The following EXOC6B variants were observed in gnomAD, a reference collection of about 807,000 sequenced individuals.
EXOC6B encodes the protein SEC15 homolog B.
Under a neutral mutation model 113.5 loss-of-function variants are expected in EXOC6B, and 54 were observed. The observed-to-expected ratio is 0.48, with a 90% confidence interval of 0.38 to 0.60. EXOC6B has a LOEUF of 0.60. Ranked by LOEUF, EXOC6B falls within the 20% of genes least tolerant of loss-of-function variation. The pLI, the probability that EXOC6B is intolerant of heterozygous loss-of-function variation, is 0.00. For synonymous variants in EXOC6B, 357 were observed against 339.0 expected (o/e 1.05, Z -0.58); for missense variants, 797 against 977.5 (o/e 0.82, Z 2.46).
intron 6 of EXOC6B, among the ~76,000 whole-genome samples, chr2:72,635,810 A>T (rs909535277): frequency 1.4e-4 from 21 of 152,264 alleles, no homozygotes; most frequent in Non-Finnish European, 2.4e-4. Flanking sequence ...GCAAAATACA[A>T]GTAAACAGAA....
chr2:72,698,678 T>G (rs894508452), intron 6 of EXOC6B, among the ~76,000 whole-genome samples: 12 of 152,170 alleles, frequency 7.9e-5, no homozygotes, highest in African/African-American at 1.4e-4. Context: ...TACAACCTTA[T>G]CCAATTTTAC....
intron 18 of EXOC6B, among the ~76,000 whole-genome samples, chr2:72,412,959 T>TTTCG: frequency 6.6e-6 from 1 of 151,542 alleles, no homozygotes; most frequent in African/African-American, 2.4e-5. Context: ...TCCCTCTCTC[T>TTTCG]TTCTTTCTTT....
rs367769777 is a variant in EXOC6B, at chr2:72,667,159, G to A, written c.669+50944C>T. The stretch of plus-strand genomic sequence containing the variant: ...ATTACAGGCGTGAGCCATCATGCCC[G>A]ACCAAGCAGAAAGATTTCTATAGAG... On this transcript the variant is annotated intron_variant, in intron 6 of 21. Transcript: ENST00000272427. Among the ~76,000 whole-genome samples the A allele has an allele frequency of 1.1e-3, 171 of 152,128 alleles. 2 individuals carry two copies. Among genetic ancestry groups the A allele is most frequent in the African/African-American group, 3.6e-3 (151 of 41,496 alleles).
At chr2:72,481,978 A>AATTATAACTTCCATTTT (rs1445349063) in intron 16 of EXOC6B, among the ~76,000 whole-genome samples, 1 of 152,238 alleles carries the variant, frequency 6.6e-6, no homozygotes, top group Non-Finnish European at 1.5e-5. Flanking sequence ...AAAGGGACAT[A>AATTATAACTTCCATTTT]ATTATAACTT....
chr2:72,575,356 T>C (rs1704766867), intron 7 of EXOC6B, 136 bp downstream of exon 7: 2 of 706,492 alleles, frequency 2.8e-6, no homozygotes, highest in Non-Finnish European at 4.3e-6. Context: ...AATTGAGCCT[T>C]ATTTGTATTC....
intron 20 of EXOC6B, among the ~76,000 whole-genome samples, chr2:72,261,835 C>G (rs960196494): frequency 2.0e-5 from 3 of 152,144 alleles, no homozygotes; most frequent in Non-Finnish European, 4.4e-5. Context: ...GCCTGGTTAA[C>G]TTTTTCTTCT....
chr2:72,683,094 A>G (rs147557866), intron 6 of EXOC6B, among the ~76,000 whole-genome samples: 1 of 152,338 alleles, frequency 6.6e-6, no homozygotes, highest in Admixed American at 6.5e-5. Context: ...AACCTCACTT[A>G]AAGAGTTTTT....
At chr2:72,416,674 C>A (rs563196589) in intron 18 of EXOC6B, among the ~76,000 whole-genome samples, 1 of 152,208 alleles carries the variant, frequency 6.6e-6, no homozygotes, top group South Asian at 2.1e-4. Context: ...GCTGGTTCTG[C>A]CCCATAGGAG....
At chr2:72,446,379 CAAA>C (rs751402901) in intron 18 of EXOC6B, among the ~76,000 whole-genome samples, 3 of 98,010 alleles carry the variant, frequency 3.1e-5, no homozygotes, top group Non-Finnish European at 2.1e-5. Context: ...TACTCTGTCT[CAAA>C]AAAAAAAAAA....
chr2:72,382,448 T>C (rs1218042703), intron 18 of EXOC6B, among the ~76,000 whole-genome samples: 1 of 152,212 alleles, frequency 6.6e-6, no homozygotes, highest in Non-Finnish European at 1.5e-5. Context: ...TGTGGTATAG[T>C]TTGAAGTCAG....
chr2:72,534,155 G>A (rs1702155956), intron 8 of EXOC6B, among the ~76,000 whole-genome samples: 1 of 152,010 alleles, frequency 6.6e-6, no homozygotes, highest in Admixed American at 6.5e-5. Flanking sequence ...AGTGTGGGAT[G>A]TTGACTATAA....
intron 1 of EXOC6B, among the ~76,000 whole-genome samples, chr2:72,777,754 C>G (rs1311307603): frequency 6.6e-6 from 1 of 152,094 alleles, no homozygotes; most frequent in Non-Finnish European, 1.5e-5. Flanking sequence ...CAATACATAT[C>G]TCTGTTGATG....
intron 8 of EXOC6B, among the ~76,000 whole-genome samples, chr2:72,541,631 A>G (rs879667403): frequency 1.3e-5 from 2 of 152,220 alleles, no homozygotes; most frequent in Admixed American, 6.5e-5. Context: ...GTCAACACAC[A>G]TATTAGTCTA....
intron 6 of EXOC6B, among the ~76,000 whole-genome samples, chr2:72,696,727 C>A (rs1238590517): frequency 1.3e-5 from 2 of 152,210 alleles, no homozygotes; most frequent in African/African-American, 2.4e-5. Flanking sequence ...CTAACACCAA[C>A]TGCCAGCCAG....
intron 10 of EXOC6B, among the ~76,000 whole-genome samples, chr2:72,514,275 G>A (rs1701097645): frequency 6.6e-6 from 1 of 151,926 alleles, no homozygotes; most frequent in South Asian, 2.1e-4. Flanking sequence ...TTACTATCTG[G>A]CCCTTTTGGA....
At chr2:72,244,897 C>T (rs1206584330) in intron 20 of EXOC6B, among the ~76,000 whole-genome samples, 1 of 152,024 alleles carries the variant, frequency 6.6e-6, no homozygotes, top group African/African-American at 2.4e-5. Context: ...ACATTTGTCA[C>T]TCTAAAAAAT....
At chr2:72,565,702 T>C (rs1704130427) in intron 7 of EXOC6B, among the ~76,000 whole-genome samples, 1 of 152,152 alleles carries the variant, frequency 6.6e-6, no homozygotes, top group South Asian at 2.1e-4. Context: ...TACTCAACTT[T>C]ACCCACAGTG....
chr2:72,500,923 C>T (rs1700285539), intron 11 of EXOC6B, among the ~76,000 whole-genome samples: 1 of 152,124 alleles, frequency 6.6e-6, no homozygotes, highest in East Asian at 1.9e-4. Context: ...CATATTGATG[C>T]TTCCTTATAA....
intron 6 of EXOC6B, among the ~76,000 whole-genome samples, chr2:72,705,494 C>T (rs1471002395): frequency 1.3e-5 from 2 of 152,262 alleles, no homozygotes; most frequent in East Asian, 3.9e-4. Flanking sequence ...CAAAAATTTA[C>T]AGATACTTTA....
Sources: gnomAD v4.1 joint callset for allele counts (sites outside exome capture counted in the v4.1 genomes callset) on GRCh38, gnomAD v4.1.1 for gene constraint, MANE v1.5 for transcripts, NCBI Gene and HGNC (gene_info 2026-07-23, HGNC 2026-07-21) for gene names.